PARD3B: variants seen among roughly 807,000 people sequenced by gnomAD.
The protein encoded by PARD3B is partitioning defective 3 homolog B.
In PARD3B, 103 loss-of-function variants were observed where a neutral mutation model predicts 130.2. That is an observed-to-expected ratio of 0.79 (90% CI 0.67 to 0.93). The LOEUF is 0.93. PARD3B is among the 40% of genes least tolerant of loss of function. The pLI is 0.00. For synonymous variants in PARD3B, 583 were observed against 553.2 expected (o/e 1.05, Z -0.76); for missense variants, 1,609 against 1,499.2 (o/e 1.07, Z -1.21).
chr2:204,968,213 A>G (rs1043049621), intron 3 of PARD3B, among the ~76,000 whole-genome samples: 2 of 152,262 alleles, frequency 1.3e-5, no homozygotes, highest in Non-Finnish European at 2.9e-5. Flanking sequence ...TTCAACAAAT[A>G]TTAGGAATCA....
chr2:205,260,208 A>C (rs946313887), intron 16 of PARD3B, among the ~76,000 whole-genome samples: 4 of 152,276 alleles, frequency 2.6e-5, no homozygotes, highest in Admixed American at 1.3e-4. Flanking sequence ...TCAGGTAAAA[A>C]AGCAGCACAG....
intron 21 of PARD3B, among the ~76,000 whole-genome samples, chr2:205,523,729 A>G (rs917810126): frequency 6.0e-5 from 9 of 150,652 alleles, no homozygotes; most frequent in Non-Finnish European, 1.3e-4. Context: ...CTATCTAGGG[A>G]TTATATGCAG....
chr2:205,114,708 A>G (rs1285334891), intron 6 of PARD3B, among the ~76,000 whole-genome samples: 1 of 151,220 alleles, frequency 6.6e-6, no homozygotes, highest in African/African-American at 2.4e-5. Context: ...TTGGCATCAT[A>G]TTCAGCAGGT....
At chr2:205,361,294 G>T (rs956055174) in intron 18 of PARD3B, among the ~76,000 whole-genome samples, 5 of 152,192 alleles carry the variant, frequency 3.3e-5, no homozygotes, top group African/African-American at 1.2e-4. Context: ...AATCGGAGAA[G>T]ATGGTAGATG....
intron 1 of PARD3B, among the ~76,000 whole-genome samples, chr2:204,575,083 G>A (rs1262850384): frequency 6.6e-6 from 1 of 152,036 alleles, no homozygotes; most frequent in Non-Finnish European, 1.5e-5. Flanking sequence ...GCTACAAGAA[G>A]ACTCAGCAAT....
chr2:204,957,475 T>C (rs2125838035), intron 2 of PARD3B, among the ~76,000 whole-genome samples: 1 of 152,220 alleles, frequency 6.6e-6, no homozygotes, highest in South Asian at 2.1e-4. Flanking sequence ...GGGGAGGAAA[T>C]GAAAATAGGT....
In PARD3B at chr2:205,351,417, G is replaced by A. The variant is rs2043989895; in HGVS notation, c.2631-49596G>A. Among the ~76,000 whole-genome samples, 2 of 152,258 alleles carry A rather than the reference G, an allele frequency of 1.3e-5. No individual in the cohort carries two copies. The highest frequency in any genetic ancestry group is 3.4e-3 in the Middle Eastern group (1 of 294). On this transcript the variant is annotated intron_variant, in intron 18 of 22. Transcript: ENST00000406610. The surrounding 1 kb of genome is among the most constrained non-coding windows in gnomAD (Gnocchi z 4.2). ...TTTGGGCAAGGATGGTGAGTTTTCA[G>A]AAAACTGAAAGGTTGCCCTCAAGCT...
intron 4 of PARD3B, among the ~76,000 whole-genome samples, chr2:205,050,833 G>C (rs1276508213): frequency 6.6e-6 from 1 of 152,008 alleles, no homozygotes; most frequent in Non-Finnish European, 1.5e-5. Context: ...GCATGAGATA[G>C]TTTGAGTCCT....
chr2:205,032,164 A>G (rs1011192001), intron 3 of PARD3B, among the ~76,000 whole-genome samples: 6 of 152,074 alleles, frequency 3.9e-5, no homozygotes, highest in African/African-American at 1.2e-4. Flanking sequence ...CAGGAGTTAC[A>G]TGGAAAAGTC....
chr2:204,924,965 A>G (rs1419996661), intron 2 of PARD3B, among the ~76,000 whole-genome samples: 1 of 150,604 alleles, frequency 6.6e-6, no homozygotes, highest in Non-Finnish European at 1.5e-5. Flanking sequence ...TGAGCTATAC[A>G]CACACGCAAT....
intron 21 of PARD3B, among the ~76,000 whole-genome samples, chr2:205,507,614 G>T (rs987704469): frequency 6.6e-6 from 1 of 152,106 alleles, no homozygotes; most frequent in Non-Finnish European, 1.5e-5. Context: ...TAGGTGAAGA[G>T]AGAGTCCTCA....
intron 2 of PARD3B, among the ~76,000 whole-genome samples, chr2:204,850,192 T>C (rs921128845): frequency 1.3e-5 from 2 of 152,162 alleles, no homozygotes; most frequent in African/African-American, 2.4e-5. Flanking sequence ...CCATTTTGTT[T>C]CATGGAAAAC....
At chr2:204,837,199 C>T (rs1575104135) in intron 2 of PARD3B, among the ~76,000 whole-genome samples, 1 of 151,998 alleles carries the variant, frequency 6.6e-6, no homozygotes, top group Non-Finnish European at 1.5e-5. Context: ...TTCATAAATA[C>T]TAAGACTATA....
chr2:205,082,875 G>C (rs554056232), intron 4 of PARD3B, among the ~76,000 whole-genome samples: 1 of 150,016 alleles, frequency 6.7e-6, no homozygotes, highest in South Asian at 2.1e-4. Flanking sequence ...GCCTAAATTA[G>C]AAGCATAATC....
chr2:204,784,045 A>G (rs1003718120), intron 2 of PARD3B, among the ~76,000 whole-genome samples: 5 of 152,172 alleles, frequency 3.3e-5, no homozygotes, highest in African/African-American at 1.2e-4. Context: ...AGAGAATAGA[A>G]TCAACGACCT....
chr2:205,047,769 A>G (rs1262912321), intron 4 of PARD3B, 79 bp downstream of exon 4: 1 of 948,762 alleles, frequency 1.1e-6, no homozygotes, highest in Non-Finnish European at 1.6e-6. Context: ...TTGCAGTTTT[A>G]AACACATTGA....
intron 10 of PARD3B, among the ~76,000 whole-genome samples, chr2:205,136,353 C>A (rs1223575802): frequency 6.6e-6 from 1 of 152,092 alleles, no homozygotes; most frequent in Non-Finnish European, 1.5e-5. Flanking sequence ...CATGAAAATG[C>A]CAGGTGGTGG....
At chr2:205,593,011 T>C (rs1380080326) in intron 22 of PARD3B, among the ~76,000 whole-genome samples, 1 of 152,238 alleles carries the variant, frequency 6.6e-6, no homozygotes, top group Non-Finnish European at 1.5e-5. Flanking sequence ...TTATATACTT[T>C]ATATTTGGGT....
At chr2:204,627,974 A>T (rs1367113472) in intron 1 of PARD3B, among the ~76,000 whole-genome samples, 1 of 114,118 alleles carries the variant, frequency 8.8e-6, no homozygotes, top group African/African-American at 2.8e-5. Context: ...AAACACTATG[A>T]GTTTTTTTGC....
Sources: gnomAD v4.1 joint callset for allele counts (sites outside exome capture counted in the v4.1 genomes callset) on GRCh38, gnomAD v4.1.1 for gene constraint, Gnocchi (gnomAD v3.1) non-coding constraint, MANE v1.5 for transcripts, NCBI Gene and HGNC (gene_info 2026-07-23, HGNC 2026-07-21) for gene names.